The following IGF2BP3 variants were observed in gnomAD, a reference collection of about 807,000 sequenced individuals.
The protein encoded by IGF2BP3 is insulin like growth factor 2 mRNA binding protein 3.
IGF2BP3 carries 9 observed loss-of-function variants against 73.8 expected under a neutral mutation model. The observed-to-expected ratio is 0.12, with a 90% confidence interval of 0.07 to 0.21. IGF2BP3 has a LOEUF of 0.21. Among genes scored for constraint, IGF2BP3 ranks in the 10% least tolerant of loss-of-function variants. The probability of loss-of-function intolerance (pLI) is 1.00; values close to 1 mark genes in which losing one functional copy is unlikely to be tolerated. For synonymous variants in IGF2BP3, 258 were observed against 256.7 expected (o/e 1.01, Z -0.05); for missense variants, 542 against 714.0 (o/e 0.76, Z 2.75).
chr7:23,340,092 G>A (rs186966946), intron 10 of IGF2BP3, among the ~76,000 whole-genome samples: 5 of 152,280 alleles, frequency 3.3e-5, no homozygotes, highest in Non-Finnish European at 7.4e-5. Flanking sequence ...GACCTTCAGT[G>A]ACACAAAATT....
At chr7:23,387,378 C>A (rs867375784) in intron 3 of IGF2BP3, among the ~76,000 whole-genome samples, 7 of 152,214 alleles carry the variant, frequency 4.6e-5, no homozygotes, top group African/African-American at 1.7e-4. Context: ...CCTAAGGAAA[C>A]ATGACAATGA....
In IGF2BP3 at chr7:23,312,317, CTTTGG is replaced by C. The variant is rs763629490; in HGVS notation, c.*40_*44del. On this transcript the variant is annotated 3_prime_UTR_variant, in exon 15 of 15. Transcript: ENST00000258729. ...CCCATCTGTTGGTTAAGCAATCTGT[CTTTGG>C]TTTGGCATCTGCCTCTGTGGTGGGC... The C allele has an allele frequency of 2.2e-6, 3 of 1,380,678 alleles. No individual in the cohort carries two copies. In the African/African-American group the frequency reaches 4.3e-5, roughly 20 times the overall value. The allele number at this position is 1,380,678 out of a possible 1,614,324, so 85.5% of individuals were successfully genotyped here.
At chr7:23,331,093 C>T (rs1784433305) in intron 10 of IGF2BP3, among the ~76,000 whole-genome samples, 1 of 152,306 alleles carries the variant, frequency 6.6e-6, no homozygotes, top group Non-Finnish European at 1.5e-5. Flanking sequence ...GCCACTGCGC[C>T]CGGCTGCTTT....
At chr7:23,455,840 A>C (rs566011622) in intron 2 of IGF2BP3, among the ~76,000 whole-genome samples, 1 of 152,144 alleles carries the variant, frequency 6.6e-6, no homozygotes, top group Non-Finnish European at 1.5e-5. Flanking sequence ...CGCCCGCCAC[A>C]ACGCCCGGAT....
At chr7:23,407,031 G>A (rs1786853549) in intron 3 of IGF2BP3, among the ~76,000 whole-genome samples, 1 of 151,988 alleles carries the variant, frequency 6.6e-6, no homozygotes, top group Admixed American at 6.6e-5. Flanking sequence ...ATAAAGCTCT[G>A]CAAGGCTGAT....
At chr7:23,323,027 A>C (rs1257637235) in intron 10 of IGF2BP3, among the ~76,000 whole-genome samples, 1 of 152,178 alleles carries the variant, frequency 6.6e-6, no homozygotes, top group Non-Finnish European at 1.5e-5. Flanking sequence ...CGAGCAAAAT[A>C]ACCAGCTAAC....
At position 23,367,446 on chromosome 7, in the gene IGF2BP3, C is replaced by CAAAAAAAAAAA. The variant is rs778774496; in HGVS notation, c.286-5706_286-5705insTTTTTTTTTTT. Reference sequence around the variant, plus strand: ...ACTTCTTTTAAACAGTCTTAAAGGCCAAAAAAAAAACCACGAAAAAAAACA... The same window carrying CAAAAAAAAAAA: ...ACTTCTTTTAAACAGTCTTAAAGGCCAAAAAAAAAAAAAAAAAAAAACCACGAAAAAAAACA... On this transcript the variant is annotated intron_variant, in intron 3 of 14. Coordinates refer to ENST00000258729, the MANE Select transcript of IGF2BP3 (RefSeq NM_006547.3). 2.3e-4 allele frequency among the ~76,000 whole-genome samples: 31 copies of CAAAAAAAAAAA among 133,538 alleles called. 1 individual carries two copies. The highest frequency in any genetic ancestry group is 9.5e-4 in the African/African-American group (30 of 31,498). The allele number at this position is 133,538 out of a possible 152,430, so 87.6% of individuals were successfully genotyped here.
At chr7:23,450,168 T>C (rs1450641781) in intron 2 of IGF2BP3, among the ~76,000 whole-genome samples, 2 of 152,110 alleles carry the variant, frequency 1.3e-5, no homozygotes, top group African/African-American at 4.8e-5. Context: ...AATGTCCTAA[T>C]CTCAATCCTT....
At chr7:23,414,699 C>CT (rs1045359196) in intron 3 of IGF2BP3, 1 of 157,760 alleles carries the variant, frequency 6.3e-6, no homozygotes, top group Non-Finnish European at 1.4e-5. Flanking sequence ...CTAATCTCTC[C>CT]TTTGCCAGCT....
rs376603163 is a variant in IGF2BP3 at position 23,319,195 on chromosome 7, G to A, written c.1263C>T (p.Ile421=). ...GCTTGATGTGCTGGCCCTGCTTGCC[G>A]ATGATGGCACCGACTGATAGAGCTG... The part of the protein sequence containing the change: ...FIPALSVGAI[I]GKQGQHIKQL... Residue 421 remains isoleucine (I), a synonymous_variant, in exon 11 of 15, where the codon ATC becomes ATT. Transcript: ENST00000258729. 1.9e-5 allele frequency: 31 copies of A among 1,613,944 alleles called. No individual in the cohort carries two copies. Among genetic ancestry groups the A allele is most frequent in the South Asian group, 3.3e-5 (3 of 91,052 alleles).
At chr7:23,397,808 C>A (rs537646634) in intron 3 of IGF2BP3, among the ~76,000 whole-genome samples, 29 of 152,258 alleles carry the variant, frequency 1.9e-4, no homozygotes, top group Middle Eastern at 3.4e-3. Context: ...AATATATCTA[C>A]CTCCTAATGC....
intron 2 of IGF2BP3, among the ~76,000 whole-genome samples, chr7:23,426,411 T>C (rs890594601): frequency 2.0e-5 from 3 of 151,910 alleles, no homozygotes; most frequent in African/African-American, 7.3e-5. Flanking sequence ...TAATACTATC[T>C]AGTCAGTACT....
At chr7:23,462,139 T>C (rs747494999) in intron 2 of IGF2BP3, among the ~76,000 whole-genome samples, 6 of 152,222 alleles carry the variant, frequency 3.9e-5, no homozygotes, top group Non-Finnish European at 5.9e-5. Flanking sequence ...GTGGCACATG[T>C]GGATCAGAAA....
Position 23,331,209 on chromosome 7 carries a change from C to A in IGF2BP3, c.1203+10855G>T, listed in dbSNP as rs187508701. ...CATGTACTACCATGATGATTTGGGACCATGATGATTTGGAACTGTCTGTCA... is the reference window on the plus strand; with the variant it reads ...CATGTACTACCATGATGATTTGGGAACATGATGATTTGGAACTGTCTGTCA... On this transcript the variant is annotated intron_variant, in intron 10 of 14. Coordinates refer to ENST00000258729, the MANE Select transcript of IGF2BP3 (RefSeq NM_006547.3). Among the ~76,000 whole-genome samples, 8 of 152,240 alleles carry A rather than the reference C, an allele frequency of 5.3e-5. No homozygotes were observed. In the East Asian group the frequency reaches 1.4e-3, roughly 26 times the overall value.
intron 6 of IGF2BP3, chr7:23,347,947 C>G (rs991300519): frequency 5.7e-6 from 3 of 526,026 alleles, no homozygotes; most frequent in African/African-American, 1.9e-5. Flanking sequence ...TTTCCTCAAT[C>G]CAACCAAGCG....
intron 3 of IGF2BP3, among the ~76,000 whole-genome samples, chr7:23,405,812 A>G (rs1187757251): frequency 6.6e-6 from 1 of 152,202 alleles, no homozygotes; most frequent in Admixed American, 6.5e-5. Flanking sequence ...GAACTCTTCA[A>G]CCAGGGCTGT....
chr7:23,395,530 G>A (rs1429743237), intron 3 of IGF2BP3, among the ~76,000 whole-genome samples: 3 of 152,186 alleles, frequency 2.0e-5, no homozygotes, highest in East Asian at 3.8e-4. Flanking sequence ...GGGAGGCTGA[G>A]GTGGGAGGAC....
intron 2 of IGF2BP3, among the ~76,000 whole-genome samples, chr7:23,428,976 C>T (rs541938569): frequency 7.6e-4 from 116 of 152,244 alleles, no homozygotes; most frequent in Non-Finnish European, 1.1e-3. Context: ...TATTTGTGAG[C>T]ATTTCTGCTT....
chr7:23,328,316 C>T (rs998920206), intron 10 of IGF2BP3, among the ~76,000 whole-genome samples: 4 of 152,180 alleles, frequency 2.6e-5, no homozygotes, highest in African/African-American at 9.7e-5. Context: ...TCAAGCGATT[C>T]TTCTGCTTCA....
Sources: gnomAD v4.1 joint callset for allele counts (sites outside exome capture counted in the v4.1 genomes callset) on GRCh38, gnomAD v4.1.1 for gene constraint, MANE v1.5 for transcripts, NCBI Gene and HGNC (gene_info 2026-07-23, HGNC 2026-07-21) for gene names.